DUSP16: variants seen among roughly 807,000 people sequenced by gnomAD.
DUSP16 encodes the protein dual specificity protein phosphatase 16.
DUSP16 carries 21 observed loss-of-function variants against 58.3 expected under a neutral mutation model. The observed-to-expected ratio is 0.36, with a 90% CI of 0.26 to 0.52. The LOEUF (loss-of-function observed/expected upper bound fraction) is 0.52. DUSP16 is among the 20% of genes least tolerant of loss of function. The probability of loss-of-function intolerance (pLI) is 0.94; values close to 1 mark genes in which losing one functional copy is unlikely to be tolerated. For synonymous variants in DUSP16, 320 were observed against 323.8 expected, an observed-to-expected ratio of 0.99 and a Z score of 0.12; for missense variants, 726 against 819.0, an observed-to-expected ratio of 0.89 and a Z score of 1.39.
chr12:12,474,510 C>T lies in DUSP16; in HGVS notation c.*2323G>A, dbSNP rs140971414. ...TCCCCAATTACATGCTGAAGAGAGC[C>T]AGCCACCACCCCACCTAAAGACATC... is the stretch of plus-strand genomic sequence containing the variant. On this transcript the variant is annotated 3_prime_UTR_variant, in exon 7 of 7. Coordinates refer to ENST00000298573, the MANE Select transcript of DUSP16 (RefSeq NM_030640.3). 1.7e-4 allele frequency: 26 copies of T among 152,460 alleles called. No homozygotes were observed. The highest frequency in any genetic ancestry group is 6.3e-4 in the African/African-American group (26 of 41,552). The allele number at this position is 152,460 out of a possible 1,614,324, so 9.4% of individuals were successfully genotyped here. A position where few individuals can be genotyped will look rare whatever the true frequency, so the allele number is the denominator to read the frequency against.
chr12:12,554,648 A>G (rs1423083375), intron 1 of DUSP16: 14 of 151,846 alleles, frequency 9.2e-5, no homozygotes, highest in Middle Eastern at 3.4e-3. Context: ...ATTTCGCATC[A>G]TTTTATTCTG....
At chr12:12,487,298 T>G in intron 4 of DUSP16, 111 bp from the exon 5 acceptor site, 1 of 1,252,756 alleles carries the variant, frequency 8.0e-7, no homozygotes, top group East Asian at 2.5e-5. Context: ...CCTTGAAATA[T>G]AATTCATTCA....
At position 12,519,920 on chromosome 12, in the gene DUSP16, A is replaced by G. The variant is rs201915074; in HGVS notation, c.309T>C (p.Phe103=). 1,562 of 1,614,118 alleles carry G rather than the reference A, an allele frequency of 9.7e-4. 23 individuals carry two copies. The South Asian group carries it at 0.016, about 17-fold the overall frequency. The change falls in exon 3 of 7, where the codon TTT becomes TTC. Residue 103 remains phenylalanine, a synonymous_variant. Coordinates refer to ENST00000298573, the MANE Select transcript of DUSP16 (RefSeq NM_030640.3). The part of the protein sequence containing the change: ...QDVASLSSDC[F]LTVLLGKLEK... Reference sequence around the variant, plus strand: ...CCAGTTTACCCAGAAGTACAGTGAGAAAACAGTCTGAAGAGAGAGAGGCAA... The same window carrying G: ...CCAGTTTACCCAGAAGTACAGTGAGGAAACAGTCTGAAGAGAGAGAGGCAA...
intron 1 of DUSP16, among the ~76,000 whole-genome samples, chr12:12,542,809 T>C (rs1012106378): frequency 1.5e-4 from 23 of 152,260 alleles, no homozygotes; most frequent in African/African-American, 5.5e-4. Context: ...CAAATATTTG[T>C]GTCCCCACTA....
At chr12:12,494,472 A>G (rs1258428593) in intron 4 of DUSP16, among the ~76,000 whole-genome samples, 1 of 152,222 alleles carries the variant, frequency 6.6e-6, no homozygotes, top group Non-Finnish European at 1.5e-5. Context: ...TTGCACGAAT[A>G]ATGATGATAC....
chr12:12,554,182 G>A (rs1355950348), intron 1 of DUSP16, among the ~76,000 whole-genome samples: 2 of 124,814 alleles, frequency 1.6e-5, no homozygotes, highest in African/African-American at 3.2e-5. Context: ...GGGTGACAGA[G>A]TGAAACTGGG....
intron 4 of DUSP16, among the ~76,000 whole-genome samples, chr12:12,489,713 G>T (rs1408963558): frequency 6.6e-6 from 1 of 152,164 alleles, no homozygotes; most frequent in Non-Finnish European, 1.5e-5. Context: ...AGTCAATAAG[G>T]ACTGTCAAAA....
chr12:12,505,348 C>T (rs4529965), intron 3 of DUSP16, among the ~76,000 whole-genome samples: 10,325 of 152,268 alleles, frequency 0.068, 479 homozygotes, highest in Non-Finnish European at 0.098. Flanking sequence ...GATGGAAGAG[C>T]CTTGTTTCCC....
intron 3 of DUSP16, among the ~76,000 whole-genome samples, chr12:12,501,979 C>A (rs1406794413): frequency 2.0e-5 from 3 of 151,896 alleles, no homozygotes; most frequent in African/African-American, 7.3e-5. Context: ...AACAGAGCAA[C>A]ACTCCGTCTC....
In DUSP16 at chr12:12,520,003, G is replaced by A; in HGVS notation, c.229-3C>T. 1.2e-6 allele frequency: 2 copies of A among 1,614,004 alleles called. No homozygotes were observed. Among genetic ancestry groups the A allele is most frequent in the African/African-American group, 1.3e-5 (1 of 75,042 alleles). The stretch of plus-strand genomic sequence containing the variant: ...TTCTGACTGCAATCAATGTCAACCT[G>A]AAATGCAAACATGAGGCTTGTTAGG... On this transcript the variant is annotated splice_polypyrimidine_tract_variant and splice_region_variant and intron_variant, in intron 2 of 6. Transcript: ENST00000298573.
rs372273974 is a variant in DUSP16, at chr12:12,477,827, G to A, written c.1004C>T (p.Thr335Met). The change falls in exon 7 of 7, where the codon ACG (threonine) becomes ATG (methionine). Residue 335 changes from threonine to methionine, a missense_variant. By Grantham distance (81) the Thr-to-Met change is moderately conservative (BLOSUM62 -1). Transcript: ENST00000298573. This position sits in a 1 kb window ranked among gnomAD's most constrained non-coding sequence, Gnocchi z 4.1. Reference protein sequence around the residue: ...AVSEGGQKSETPLSPPCADSA... With the variant: ...AVSEGGQKSEMPLSPPCADSA... ...GTCGGCACAGGGTGGACTGAGGGGC[G>A]TCTCGCTTTTCTGTCCACCCTCTGA... 62 of 1,614,062 alleles carry A rather than the reference G, an allele frequency of 3.8e-5. No homozygotes were observed. In the Middle Eastern group the frequency reaches 6.6e-4, roughly 17 times the overall value.
rs1169900768 is a variant in DUSP16, at chr12:12,562,186, C to T, written c.-435G>A. On this transcript the variant is annotated 5_prime_UTR_variant, in exon 1 of 7. Coordinates refer to ENST00000298573, the MANE Select transcript of DUSP16 (RefSeq NM_030640.3). Reference sequence around the variant, plus strand: ...GTTGTCACGGCGTCTCCCCTCGGGCCCCCCTCGCCTCCCGGACTTGCGAGG... The same window carrying T: ...GTTGTCACGGCGTCTCCCCTCGGGCTCCCCTCGCCTCCCGGACTTGCGAGG... The T allele has an allele frequency of 6.6e-6, 1 of 152,070 alleles. No individual in the cohort carries two copies. Among genetic ancestry groups the T allele is most frequent in the Admixed American group, 6.5e-5 (1 of 15,272 alleles). The allele number at this position is 152,070 out of a possible 1,614,324, so 9.4% of individuals were successfully genotyped here. A position where few individuals can be genotyped will look rare whatever the true frequency, so the allele number is the denominator to read the frequency against.
At chr12:12,495,746 T>A (rs2136206829) in intron 4 of DUSP16, among the ~76,000 whole-genome samples, 1 of 152,370 alleles carries the variant, frequency 6.6e-6, no homozygotes, top group Non-Finnish European at 1.5e-5. Context: ...AATTTTTCTT[T>A]CTGAAGTCAA....
chr12:12,486,758 C>G (rs1019268418), intron 5 of DUSP16, among the ~76,000 whole-genome samples: 1 of 152,094 alleles, frequency 6.6e-6, no homozygotes, highest in Non-Finnish European at 1.5e-5. Flanking sequence ...TTTCAAACAC[C>G]TGCAAATACA....
intron 1 of DUSP16, among the ~76,000 whole-genome samples, chr12:12,533,963 TATC>T (rs1457979275): frequency 6.6e-6 from 1 of 152,212 alleles, no homozygotes; most frequent in African/African-American, 2.4e-5. Flanking sequence ...AGGGCTGACT[TATC>T]ATTAAGCAGT....
At chr12:12,510,169 T>A (rs1306976590) in intron 3 of DUSP16, among the ~76,000 whole-genome samples, 1 of 151,956 alleles carries the variant, frequency 6.6e-6, no homozygotes, top group Non-Finnish European at 1.5e-5. Flanking sequence ...GCACATCCCA[T>A]AGGAAACCAA....
intron 1 of DUSP16, among the ~76,000 whole-genome samples, chr12:12,542,985 C>T (rs942408053): frequency 6.6e-6 from 1 of 152,150 alleles, no homozygotes; most frequent in Non-Finnish European, 1.5e-5. Flanking sequence ...AATTGGTACT[C>T]TGCAACCCAG....
chr12:12,534,503 A>C (rs1449459861), intron 1 of DUSP16, among the ~76,000 whole-genome samples: 1 of 152,176 alleles, frequency 6.6e-6, no homozygotes, highest in African/African-American at 2.4e-5. Context: ...GTCTTTTTCT[A>C]TAATTCGGCT....
At chr12:12,542,519 G>A (rs779325389) in intron 1 of DUSP16, among the ~76,000 whole-genome samples, 6 of 152,140 alleles carry the variant, frequency 3.9e-5, no homozygotes, top group Non-Finnish European at 7.3e-5. Context: ...GTTTGTTTTG[G>A]GGGTGATGAA....
Sources: allele counts gnomAD v4.1 joint callset (sites outside exome capture counted in the v4.1 genomes callset), GRCh38; gene constraint gnomAD v4.1.1; non-coding constraint Gnocchi (gnomAD v3.1); transcripts MANE v1.5; gene names NCBI Gene and HGNC (gene_info 2026-07-23, HGNC 2026-07-21).